The following DIPK2B variants were observed in gnomAD, a reference collection of about 807,000 sequenced individuals.
DIPK2B encodes divergent protein kinase domain 2B.
DIPK2B carries 15 observed loss-of-function variants against 22.2 expected under a neutral mutation model. That is an observed-to-expected ratio of 0.68 (90% CI 0.45 to 1.04). The LOEUF is 1.04. DIPK2B is among the 50% of genes least tolerant of loss of function. DIPK2B has a pLI of 0.00. For synonymous variants in DIPK2B, 163 were observed against 153.2 expected, an observed-to-expected ratio of 1.06 and a Z score of -0.47; for missense variants, 345 against 348.3, an observed-to-expected ratio of 0.99 and a Z score of 0.08.
chrX:45,162,670 T>C (rs41312155), intron 2 of DIPK2B: 96,923 of 752,464 alleles, frequency 0.13, 4,746 homozygotes, highest in East Asian at 0.44. Context: ...ACTTCTCCCA[T>C]CTGCATACAT....
At position 45,150,658 on chromosome X, in the gene DIPK2B, G is replaced by C. The variant is rs781019247; in HGVS notation, c.*994C>G. ...TTTCCGCCAACCACTGAGTGCAGCA[G>C]GGATGCTAACGGGGTCTATTTGTGG... On this transcript the variant is annotated 3_prime_UTR_variant, in exon 5 of 5. Coordinates refer to ENST00000398000, the MANE Select transcript of DIPK2B (RefSeq NM_176819.4). The C allele has an allele frequency of 9.0e-6, 1 of 111,559 alleles. No individual in the cohort carries two copies. The highest frequency in any genetic ancestry group is 3.3e-5 in the African/African-American group (1 of 30,631). 9.2% of individuals were successfully genotyped at this position (111,559 alleles called of 1,213,427 possible).
chrX:45,170,793 G>A (rs2047076986), intron 2 of DIPK2B, among the ~76,000 whole-genome samples: 2 of 112,512 alleles, frequency 1.8e-5, no homozygotes, highest in African/African-American at 3.2e-5. Flanking sequence ...TACAACCTTT[G>A]AAATGATGGC....
chrX:45,164,956 T>A (rs2047040283), intron 2 of DIPK2B, among the ~76,000 whole-genome samples: 1 of 110,835 alleles, frequency 9.0e-6, no homozygotes, highest in Non-Finnish European at 1.9e-5. Context: ...GGGTATTATA[T>A]TGATTTAATC....
At chrX:45,161,114 A>G (rs1000054423) in intron 2 of DIPK2B, among the ~76,000 whole-genome samples, 1 of 112,457 alleles carries the variant, frequency 8.9e-6, no homozygotes, top group Non-Finnish European at 1.9e-5. Flanking sequence ...GGTGGTGCTC[A>G]GGCAGCCATC....
chrX:45,160,812 C>T (rs765985180), intron 2 of DIPK2B, among the ~76,000 whole-genome samples: 12 of 111,865 alleles, frequency 1.1e-4, no homozygotes, highest in Non-Finnish European at 1.9e-4. Flanking sequence ...TAAGCAGATA[C>T]GCATTTTATG....
chrX:45,191,550 C>T, intron 2 of DIPK2B: 1 of 454,840 alleles, frequency 2.2e-6, no homozygotes, highest in Non-Finnish European at 3.7e-6. Context: ...TGAGAAATGA[C>T]AGTGGGATGG....
intron 2 of DIPK2B, among the ~76,000 whole-genome samples, chrX:45,189,818 T>C (rs2047202059): frequency 9.0e-6 from 1 of 111,562 alleles, no homozygotes; most frequent in Non-Finnish European, 1.9e-5. Context: ...GAGAATGGGT[T>C]GGTGCAGAAT....
chrX:45,170,090 A>C (rs947811712), intron 2 of DIPK2B, among the ~76,000 whole-genome samples: 1 of 109,675 alleles, frequency 9.1e-6, no homozygotes, highest in Non-Finnish European at 1.9e-5. Context: ...CTAAAAATAC[A>C]AAAATCAGCC....
chrX:45,199,912 A>G (rs1049997596), intron 1 of DIPK2B, among the ~76,000 whole-genome samples: 1 of 111,472 alleles, frequency 9.0e-6, no homozygotes, highest in African/African-American at 3.3e-5. Context: ...GTGCATTGCA[A>G]TTTACTAAGC....
At chrX:45,157,962 G>A in intron 2 of DIPK2B, 74 bp from the exon 3 acceptor site, 1 of 702,275 alleles carries the variant, frequency 1.4e-6, no homozygotes, top group Non-Finnish European at 1.8e-6. Context: ...TTAGCAGGAG[G>A]GGGAATGGGC....
intron 2 of DIPK2B, chrX:45,163,854 C>A (rs2047034301): frequency 1.2e-6 from 1 of 825,610 alleles, no homozygotes. Flanking sequence ...ATAGGGAAGA[C>A]CTGTCCAGAC....
At chrX:45,185,015 T>C (rs1288682971) in intron 2 of DIPK2B, among the ~76,000 whole-genome samples, 2 of 112,041 alleles carry the variant, frequency 1.8e-5, no homozygotes, top group African/African-American at 6.5e-5. Flanking sequence ...CTTTAAAAAA[T>C]GTATTGAGGG....
chrX:45,191,509 G>C (rs1603116793), intron 2 of DIPK2B: 2 of 370,123 alleles, frequency 5.4e-6, no homozygotes, highest in Non-Finnish European at 9.1e-6. Context: ...GAACTTTCTC[G>C]AATCGTCACT....
chrX:45,186,806 G>A (rs939172007), intron 2 of DIPK2B, among the ~76,000 whole-genome samples: 1 of 112,144 alleles, frequency 8.9e-6, no homozygotes. Context: ...ATCTCCCAGA[G>A]TGCAAAGACC....
chrX:45,154,406 A>G (rs140441892), intron 3 of DIPK2B, among the ~76,000 whole-genome samples: 2,574 of 110,364 alleles, frequency 0.023, 48 homozygotes, highest in Non-Finnish European at 0.037. Flanking sequence ...ATCATCTATC[A>G]TCTCTCTATC....
chrX:45,193,397 G>A (rs1275628877), intron 1 of DIPK2B, among the ~76,000 whole-genome samples: 1 of 112,067 alleles, frequency 8.9e-6, no homozygotes, highest in Non-Finnish European at 1.9e-5. Context: ...GGAAGAATTA[G>A]CATTTTGATT....
chrX:45,163,966 G>C, intron 2 of DIPK2B: 1 of 947,463 alleles, frequency 1.1e-6, no homozygotes, highest in Non-Finnish European at 1.3e-6. Flanking sequence ...GGAAAGAGCC[G>C]GGGCTTTGGA....
chrX:45,179,188 C>T (rs1011913252), intron 2 of DIPK2B, among the ~76,000 whole-genome samples: 5 of 110,942 alleles, frequency 4.5e-5, no homozygotes, highest in Non-Finnish European at 9.4e-5. Flanking sequence ...CTCCTTCCCC[C>T]AACAAAGAAT....
chrX:45,199,908 T>C (rs1310516519), intron 1 of DIPK2B, among the ~76,000 whole-genome samples: 2 of 111,531 alleles, frequency 1.8e-5, no homozygotes, highest in Non-Finnish European at 3.8e-5. Flanking sequence ...CCATGTGCAT[T>C]GCAATTTACT....
Sources: gnomAD v4.1 joint callset for allele counts (sites outside exome capture counted in the v4.1 genomes callset) on GRCh38, gnomAD v4.1.1 for gene constraint, MANE v1.5 for transcripts, NCBI Gene and HGNC (gene_info 2026-07-23, HGNC 2026-07-21) for gene names.